Variants in IGSF5 observed in about 807,000 individuals in gnomAD.
IGSF5 encodes the protein immunoglobulin superfamily 5 like.
A neutral mutation model predicts 39.4 loss-of-function variants in IGSF5; 41 were observed. The ratio of observed to expected loss-of-function variants is 1.04; its 90% confidence interval spans 0.81 to 1.35. IGSF5 has a LOEUF of 1.35. Among genes scored for constraint, IGSF5 ranks in the 40% most tolerant of loss-of-function variants. IGSF5 has a pLI of 0.00. For missense variants in IGSF5, 487 were observed against 494.6 expected, an observed-to-expected ratio of 0.98 and a Z score of 0.15; for synonymous variants, 183 against 175.3, an observed-to-expected ratio of 1.04 and a Z score of -0.34.
chr21:39,722,873 C>G, the IGSF5 span, among the ~76,000 whole-genome samples: 1 of 152,164 alleles, frequency 6.6e-6, no homozygotes, highest in African/African-American at 2.4e-5. Context: ...GAATGATTTA[C>G]TATGTGACAT....
chr21:39,786,398 C>G (rs893247218), intron 5 of IGSF5, among the ~76,000 whole-genome samples: 4 of 146,602 alleles, frequency 2.7e-5, no homozygotes, highest in African/African-American at 7.6e-5. Context: ...CAAATCAAAA[C>G]CACAATGAGA....
chr21:39,729,348 C>T, the IGSF5 span: 1 of 152,248 alleles, frequency 6.6e-6, no homozygotes, highest in Non-Finnish European at 1.5e-5. Flanking sequence ...ATGACCATGC[C>T]TAGATTCAAG....
the IGSF5 span, among the ~76,000 whole-genome samples, chr21:39,733,813 T>G: frequency 6.6e-6 from 1 of 152,190 alleles, no homozygotes; most frequent in Admixed American, 6.5e-5. Context: ...CTGGCCATCG[T>G]TCTAATCTCT....
intron 4 of IGSF5, among the ~76,000 whole-genome samples, chr21:39,772,338 T>C (rs79076792): frequency 0.023 from 3,485 of 152,258 alleles, 117 homozygotes; most frequent in African/African-American, 0.078. Flanking sequence ...CTCCAGAAAC[T>C]GCTCACCTGG....
At chr21:39,746,378 G>A in intron 2 of IGSF5, 80 bp downstream of exon 2, 2 of 640,540 alleles carry the variant, frequency 3.1e-6, no homozygotes, top group Non-Finnish European at 5.7e-6. Flanking sequence ...GTGAAATAGA[G>A]TGAAAACAGA....
intron 2 of IGSF5, among the ~76,000 whole-genome samples, chr21:39,764,235 C>T (rs938572238): frequency 6.6e-6 from 1 of 152,164 alleles, no homozygotes; most frequent in African/African-American, 2.4e-5. Context: ...GTTTAGCCCC[C>T]ACAATGTGCC....
At chr21:39,738,375 G>T in the IGSF5 span, among the ~76,000 whole-genome samples, 1 of 152,152 alleles carries the variant, frequency 6.6e-6, no homozygotes, top group Non-Finnish European at 1.5e-5. This position sits in a 1 kb window ranked among gnomAD's most constrained non-coding sequence, Gnocchi z 6.4. Context: ...GATTCAATTA[G>T]CTCCCTCTGG....
chr21:39,796,094 G>A lies in IGSF5; in HGVS notation c.1128+2481G>A, dbSNP rs146448157. Among the ~76,000 whole-genome samples the A allele has an allele frequency of 1.0e-3, 155 of 152,264 alleles. No individual in the cohort carries two copies. The Middle Eastern group carries it at 0.01, about 10-fold the overall frequency. On this transcript the variant is annotated intron_variant, in intron 8 of 8. Transcript: ENST00000380588. Reference sequence around the variant, plus strand: ...CTGGATGCAGGATGTACCATGGGCCGTGTTTCCTGGGAAGCACTTAGAGGA... The same window carrying A: ...CTGGATGCAGGATGTACCATGGGCCATGTTTCCTGGGAAGCACTTAGAGGA...
At chr21:39,768,517 C>T (rs1180108599) in intron 3 of IGSF5, among the ~76,000 whole-genome samples, 2 of 152,188 alleles carry the variant, frequency 1.3e-5, no homozygotes, top group African/African-American at 2.4e-5. Context: ...TCCTTCAGAT[C>T]GCTGAGTTGG....
At chr21:39,731,750 G>A in the IGSF5 span, among the ~76,000 whole-genome samples, 1 of 152,162 alleles carries the variant, frequency 6.6e-6, no homozygotes, top group African/African-American at 2.4e-5. Flanking sequence ...GGACTCATCT[G>A]TCTAACACCT....
At chr21:39,779,779 C>T (rs1244516657) in intron 5 of IGSF5, among the ~76,000 whole-genome samples, 6 of 152,054 alleles carry the variant, frequency 3.9e-5, no homozygotes, top group Admixed American at 1.3e-4. Flanking sequence ...GGATATTATG[C>T]TAAGTGAAAT....
chr21:39,771,097 G>A lies in IGSF5; in HGVS notation c.600G>A (p.Val200=). The A allele has an allele frequency of 2.5e-6, 4 of 1,613,698 alleles. No homozygotes were observed. The highest frequency in any genetic ancestry group is 2.2e-5 in the South Asian group (2 of 90,924). Residue 200 remains valine, a synonymous_variant, in exon 4 of 9, where the codon GTG becomes GTA. Transcript: ENST00000380588. ...AGCCCAGCGACCTTCAAAGTGCAGT[G>A]AGCATCCTGGCTCTGACCCCACAGA... ...VPEPSDLQSA[V]SILALTPQSN...
chr21:39,797,673 T>A (rs1379209843), intron 8 of IGSF5, among the ~76,000 whole-genome samples: 1 of 152,140 alleles, frequency 6.6e-6, no homozygotes, highest in Non-Finnish European at 1.5e-5. Flanking sequence ...CTTGCTGCCA[T>A]GCCTAGCTAA....
the IGSF5 span, among the ~76,000 whole-genome samples, chr21:39,712,365 C>T: frequency 1.3e-5 from 2 of 152,244 alleles, no homozygotes; most frequent in African/African-American, 2.4e-5. Context: ...GCAGGATTCA[C>T]GTGGGTGGAC....
chr21:39,711,846 T>G, the IGSF5 span, among the ~76,000 whole-genome samples: 2 of 152,298 alleles, frequency 1.3e-5, no homozygotes, highest in South Asian at 4.2e-4. Context: ...AGCCTCTTTT[T>G]TAATGATTAG....
chr21:39,763,058 A>G (rs890982999), intron 2 of IGSF5, among the ~76,000 whole-genome samples: 1 of 152,110 alleles, frequency 6.6e-6, no homozygotes, highest in Admixed American at 6.6e-5. Context: ...GTTTTCTCCT[A>G]TTCTGTACAG....
In IGSF5 at chr21:39,745,412, T is replaced by A; in HGVS notation, c.-98T>A. The A allele has an allele frequency of 1.5e-6, 1 of 678,472 alleles. No homozygotes were observed. The highest frequency in any genetic ancestry group is 1.6e-5 in the South Asian group (1 of 63,558). 42.0% of individuals were successfully genotyped at this position (678,472 alleles called of 1,614,324 possible). ...TAGAGGAAATGAAAGTCTGAACCAT[T>A]AGTACCTAGGAGGCAGGGATCAGAG... is the stretch of plus-strand genomic sequence containing the variant. On this transcript the variant is annotated 5_prime_UTR_variant, in exon 1 of 9. Coordinates refer to ENST00000380588, the MANE Select transcript of IGSF5 (RefSeq NM_001080444.2).
intron 5 of IGSF5, among the ~76,000 whole-genome samples, chr21:39,785,332 G>A (rs1008984697): frequency 6.6e-6 from 1 of 152,076 alleles, no homozygotes; most frequent in African/African-American, 2.4e-5. Flanking sequence ...CCCATTGCTT[G>A]TTTTTGTCAG....
At chr21:39,721,678 CCTTCCTTCCTT>C in the IGSF5 span, among the ~76,000 whole-genome samples, 19 of 41,734 alleles carry the variant, frequency 4.6e-4, no homozygotes, top group South Asian at 0.012. Context: ...TCTGTCCCTT[CCTTCCTTCCTT>C]CCTTCCTTCC....
Sources: allele counts gnomAD v4.1 joint callset (sites outside exome capture counted in the v4.1 genomes callset), GRCh38; gene constraint gnomAD v4.1.1; non-coding constraint Gnocchi (gnomAD v3.1); transcripts MANE v1.5; gene names NCBI Gene and HGNC (gene_info 2026-07-23, HGNC 2026-07-21).